Variants in LIMD1 observed in about 807,000 individuals in gnomAD.
LIMD1 encodes the protein LIM domain containing 1.
LIMD1 carries 23 observed loss-of-function variants against 58.4 expected under a neutral mutation model. The observed-to-expected ratio is 0.39, with a 90% CI of 0.28 to 0.56. LIMD1 has a LOEUF of 0.56. Ranked by LOEUF, LIMD1 falls within the 20% of genes least tolerant of loss-of-function variation. The pLI is 0.57. For missense variants in LIMD1, 838 were observed against 855.5 expected, an observed-to-expected ratio of 0.98 and a Z score of 0.25; for synonymous variants, 334 against 345.5, an observed-to-expected ratio of 0.97 and a Z score of 0.37.
chr3:45,623,570 G>T (rs1490033469), intron 1 of LIMD1, among the ~76,000 whole-genome samples: 1 of 152,194 alleles, frequency 6.6e-6, no homozygotes, highest in South Asian at 2.1e-4. Flanking sequence ...CGTTGGTTTT[G>T]AGGCCATGTG....
Position 45,595,909 on chromosome 3 carries a change from TAC to T in LIMD1, c.1031_1032del (p.Tyr344SerfsTer54), listed in dbSNP as rs1287442020. On this transcript the variant is annotated frameshift_variant, in exon 1 of 8. Transcript: ENST00000273317. LOFTEE classifies it high-confidence loss of function. ...QPWFQDGPKS[Y>X]LSSSAPSSSP... The stretch of plus-strand genomic sequence containing the variant: ...CTGGTTCCAGGATGGGCCCAAATCT[TAC>T]CTTTCCAGTTCTGCCCCGTCATCCT... 6.2e-7 allele frequency: 1 copy of T among 1,614,214 alleles called. No homozygotes were observed.
chr3:45,651,413 G>T (rs116211626), intron 2 of LIMD1, among the ~76,000 whole-genome samples: 4,605 of 152,204 alleles, frequency 0.03, 76 homozygotes, highest in Non-Finnish European at 0.041. Flanking sequence ...TTGCCTGTGC[G>T]TGTGTCCTGA....
rs183330384 is a variant in LIMD1 at position 45,654,865 on chromosome 3, A to G, written c.1511-10785A>G. Reference sequence around the variant, plus strand: ...AAGAAAAAATTCATTCACTACATCTACAGGAAGTGTCTTTTTGGAGTGGAT... The same window carrying G: ...AAGAAAAAATTCATTCACTACATCTGCAGGAAGTGTCTTTTTGGAGTGGAT... On this transcript the variant is annotated intron_variant, in intron 2 of 7. Coordinates refer to ENST00000273317, the MANE Select transcript of LIMD1 (RefSeq NM_014240.3). 5.8e-4 allele frequency among the ~76,000 whole-genome samples: 88 copies of G among 150,956 alleles called. 2 individuals carry two copies. The highest frequency in any genetic ancestry group is 2.0e-3 in the African/African-American group (84 of 41,122).
At position 45,595,741 on chromosome 3, in the gene LIMD1, G is replaced by C; in HGVS notation, c.862G>C (p.Gly288Arg). 6.2e-7 allele frequency: 1 copy of C among 1,614,080 alleles called. No individual in the cohort carries two copies. Among genetic ancestry groups the C allele is most frequent in the Non-Finnish European group, 8.5e-7 (1 of 1,180,022 alleles). The change falls in exon 1 of 8, where the codon GGG (glycine) becomes CGG (arginine). Residue 288 changes from glycine (G) to arginine (R), a missense_variant. Physicochemically the swap from Gly to Arg is moderately radical, Grantham distance 125. Transcript: ENST00000273317. The stretch of plus-strand genomic sequence containing the variant: ...CTTGGAGAACGGAGCACCAGCTGTG[G>C]GGCCTGTTCAGCCCAGGACCCCTTC... ...PNLENGAPAVGPVQPRTPSVS... is the reference protein window; with the variant it reads ...PNLENGAPAVRPVQPRTPSVS...
intron 1 of LIMD1, among the ~76,000 whole-genome samples, chr3:45,633,180 A>G (rs1701753504): frequency 6.6e-6 from 1 of 152,180 alleles, no homozygotes; most frequent in Admixed American, 6.5e-5. Flanking sequence ...CCAGCTGTCC[A>G]GTAATCTCAT....
At chr3:45,603,517 C>T (rs1268560236) in intron 1 of LIMD1, among the ~76,000 whole-genome samples, 7 of 151,918 alleles carry the variant, frequency 4.6e-5, no homozygotes, top group African/African-American at 1.7e-4. Context: ...TTGAACCAGC[C>T]GAATCCAGGT....
At chr3:45,626,856 A>C (rs1701671630) in intron 1 of LIMD1, among the ~76,000 whole-genome samples, 1 of 150,884 alleles carries the variant, frequency 6.6e-6, no homozygotes, top group African/African-American at 2.5e-5. Context: ...AATTCTCTGT[A>C]GCTTTTGCTC....
chr3:45,637,894 G>A (rs988789027), intron 2 of LIMD1, among the ~76,000 whole-genome samples: 2 of 152,218 alleles, frequency 1.3e-5, no homozygotes, highest in African/African-American at 4.8e-5. Context: ...GTGTTCACCT[G>A]TGTAGGGAAA....
chr3:45,622,151 A>G (rs1276971402), intron 1 of LIMD1, among the ~76,000 whole-genome samples: 2 of 152,054 alleles, frequency 1.3e-5, no homozygotes, highest in Non-Finnish European at 2.9e-5. Flanking sequence ...ATTTTAGAAG[A>G]ATTTTATTAT....
intron 1 of LIMD1, among the ~76,000 whole-genome samples, chr3:45,622,477 A>G (rs1389709680): frequency 1.3e-5 from 2 of 152,216 alleles, no homozygotes; most frequent in Non-Finnish European, 2.9e-5. Flanking sequence ...ATGAACAAAT[A>G]CAATTATAAA....
At chr3:45,596,987 G>T (rs1701363322) in intron 1 of LIMD1, among the ~76,000 whole-genome samples, 2 of 150,854 alleles carry the variant, frequency 1.3e-5, no homozygotes, top group Admixed American at 1.3e-4. Context: ...TCAGCCTCTT[G>T]AGTAGCTGGG....
chr3:45,597,064 G>A (rs375972335), intron 1 of LIMD1, among the ~76,000 whole-genome samples: 9 of 151,554 alleles, frequency 5.9e-5, no homozygotes, highest in African/African-American at 1.5e-4. Flanking sequence ...GTTTCACTGC[G>A]CTAGCCAGGA....
intron 1 of LIMD1, among the ~76,000 whole-genome samples, chr3:45,605,589 C>T (rs544501891): frequency 2.0e-5 from 3 of 152,298 alleles, no homozygotes; most frequent in African/African-American, 7.2e-5. Flanking sequence ...GAATCATTTA[C>T]TGAGCTAAAG....
intron 1 of LIMD1, among the ~76,000 whole-genome samples, chr3:45,621,909 A>G (rs74468358): frequency 0.04 from 6,107 of 152,056 alleles, 413 homozygotes; most frequent in African/African-American, 0.14. Context: ...CTAAAAATAC[A>G]AAAGTTAGCC....
At chr3:45,614,614 C>T (rs917805306) in intron 1 of LIMD1, among the ~76,000 whole-genome samples, 7 of 151,186 alleles carry the variant, frequency 4.6e-5, no homozygotes, top group Non-Finnish European at 7.4e-5. Context: ...TTCCAGGTAC[C>T]GGGGAGGCTG....
chr3:45,664,974 C>T (rs1264737094), intron 2 of LIMD1, among the ~76,000 whole-genome samples: 1 of 152,084 alleles, frequency 6.6e-6, no homozygotes, highest in Admixed American at 6.5e-5. Flanking sequence ...CTTGAGCTCA[C>T]AGCCCCATTG....
chr3:45,682,717 C>G lies in LIMD1; in HGVS notation c.*5658C>G, dbSNP rs974724261. ...TCCAGAGGGTGCTGTCTTGACCACT[C>G]TACTACTCTGGTTGATGGGAGGCAG... On this transcript the variant is annotated 3_prime_UTR_variant, in exon 8 of 8. Coordinates refer to ENST00000273317, the MANE Select transcript of LIMD1 (RefSeq NM_014240.3). 2 of 152,246 alleles carry G rather than the reference C, an allele frequency of 1.3e-5. No individual in the cohort carries two copies. Among genetic ancestry groups the G allele is most frequent in the Non-Finnish European group, 2.9e-5 (2 of 68,052 alleles). The allele number at this position is 152,246 out of a possible 1,614,324, so 9.4% of individuals were successfully genotyped here.
chr3:45,640,279 TC>T (rs1402345755), intron 2 of LIMD1, among the ~76,000 whole-genome samples: 1 of 152,226 alleles, frequency 6.6e-6, no homozygotes, highest in Non-Finnish European at 1.5e-5. Context: ...GAATAGCCTC[TC>T]CCCATTCACT....
Position 45,668,710 on chromosome 3 carries a change from G to A in LIMD1, c.1641+354G>A, listed in dbSNP as rs191826011. On this transcript the variant is annotated intron_variant, in intron 4 of 7. Coordinates refer to ENST00000273317, the MANE Select transcript of LIMD1 (RefSeq NM_014240.3). ...GGAGTTTGCAGTGAGCCAAGATCAC[G>A]CCACTGCACTCCAGCCTGGGCAACA... Among the ~76,000 whole-genome samples the A allele has an allele frequency of 1.1e-3, 170 of 150,716 alleles. 1 individual carries two copies. Among genetic ancestry groups the A allele is most frequent in the African/African-American group, 3.8e-3 (156 of 40,928 alleles).
Sources: gnomAD v4.1 joint callset for allele counts (sites outside exome capture counted in the v4.1 genomes callset) on GRCh38, gnomAD v4.1.1 for gene constraint, MANE v1.5 for transcripts, NCBI Gene and HGNC (gene_info 2026-07-23, HGNC 2026-07-21) for gene names.